Variants in STEAP1B observed in about 807,000 individuals in gnomAD.
STEAP1B encodes STEAP family member 1B.
STEAP1B carries 13 observed loss-of-function variants against 27.9 expected under a neutral mutation model. The ratio of observed to expected loss-of-function variants is 0.47; its 90% CI spans 0.30 to 0.74. STEAP1B has a LOEUF of 0.74. STEAP1B is among the 30% of genes least tolerant of loss of function. STEAP1B has a pLI of 0.06. For synonymous variants in STEAP1B, 86 were observed against 107.1 expected (o/e 0.80, Z 1.22); for missense variants, 250 against 298.7 (o/e 0.84, Z 1.20).
chr7:22,443,901 G>A (rs184710659), intron 4 of STEAP1B, among the ~76,000 whole-genome samples: 44 of 152,366 alleles, frequency 2.9e-4, no homozygotes, highest in Non-Finnish European at 5.6e-4. Context: ...CAGAGAAGGA[G>A]CTGAGGTCCA....
In STEAP1B at chr7:22,419,540, G is replaced by C; in HGVS notation, c.*264C>G. 3 of 306,624 alleles carry C rather than the reference G, an allele frequency of 9.8e-6. No homozygotes were observed. The allele number at this position is 306,624 out of a possible 1,614,324, so 19.0% of individuals were successfully genotyped here. A position where few individuals can be genotyped will look rare whatever the true frequency, so the allele number is the denominator to read the frequency against. ...ATGTCTGATCCTCGTGTCGGGATAG[G>C]CTAGGTTAGGCTCCGTAACAACCAA... On this transcript the variant is annotated 3_prime_UTR_variant, in exon 5 of 5. Transcript: ENST00000678116.
chr7:22,491,520 T>C (rs1786321132), intron 4 of STEAP1B, among the ~76,000 whole-genome samples: 1 of 152,158 alleles, frequency 6.6e-6, no homozygotes. Flanking sequence ...TAGAAATCTA[T>C]ATGGAAGTAA....
At chr7:22,468,932 T>C (rs1269475995) in intron 4 of STEAP1B, among the ~76,000 whole-genome samples, 1 of 152,274 alleles carries the variant, frequency 6.6e-6, no homozygotes. Flanking sequence ...CAGTACATAA[T>C]ACTTGCTAAT....
chr7:22,447,245 A>G (rs185045508), intron 4 of STEAP1B, among the ~76,000 whole-genome samples: 10 of 152,248 alleles, frequency 6.6e-5, no homozygotes, highest in African/African-American at 2.4e-4. Flanking sequence ...CAAGCATTTC[A>G]CTTCCTTAAT....
At chr7:22,431,574 GC>G (rs1214620122) in intron 4 of STEAP1B, among the ~76,000 whole-genome samples, 1 of 152,190 alleles carries the variant, frequency 6.6e-6, no homozygotes, top group Non-Finnish European at 1.5e-5. Flanking sequence ...GGTAGAAGAG[GC>G]ATGATACCTG....
chr7:22,449,711 G>T (rs544598935), intron 4 of STEAP1B, among the ~76,000 whole-genome samples: 4 of 152,180 alleles, frequency 2.6e-5, no homozygotes, highest in Non-Finnish European at 5.9e-5. Context: ...GTTTTTTGAG[G>T]AATCTCCAAA....
intron 4 of STEAP1B, among the ~76,000 whole-genome samples, chr7:22,458,700 T>C (rs563862304): frequency 6.6e-6 from 1 of 152,276 alleles, no homozygotes; most frequent in East Asian, 1.9e-4. Context: ...GGAGGGGAAC[T>C]ATAGGACTTT....
chr7:22,464,044 C>A (rs912715950), intron 4 of STEAP1B, among the ~76,000 whole-genome samples: 1 of 152,000 alleles, frequency 6.6e-6, no homozygotes, highest in Non-Finnish European at 1.5e-5. Context: ...AGAAAATTTT[C>A]GCAACCTACT....
intron 4 of STEAP1B, among the ~76,000 whole-genome samples, chr7:22,425,848 C>T (rs1425007524): frequency 2.0e-5 from 3 of 152,218 alleles, no homozygotes; most frequent in South Asian, 4.1e-4. Flanking sequence ...TTCTGACAAA[C>T]GCTATCCTGC....
At chr7:22,445,022 G>A (rs958150981) in intron 4 of STEAP1B, among the ~76,000 whole-genome samples, 15 of 152,194 alleles carry the variant, frequency 9.9e-5, no homozygotes, top group African/African-American at 3.6e-4. Context: ...AGAGGCCTAA[G>A]TGAGAGGATG....
At chr7:22,445,095 C>T (rs554309980) in intron 4 of STEAP1B, among the ~76,000 whole-genome samples, 22 of 152,260 alleles carry the variant, frequency 1.4e-4, no homozygotes, top group African/African-American at 5.3e-4. Context: ...ACAATGATGC[C>T]GGTTTCAGTT....
chr7:22,487,818 A>AG (rs977617506), intron 4 of STEAP1B, among the ~76,000 whole-genome samples: 41 of 145,442 alleles, frequency 2.8e-4, no homozygotes, highest in East Asian at 2.2e-3. Flanking sequence ...AAAAAAAAAA[A>AG]AAAAGAAAAA....
intron 4 of STEAP1B, among the ~76,000 whole-genome samples, chr7:22,483,342 CA>C (rs1445462446): frequency 1.3e-5 from 2 of 152,144 alleles, no homozygotes; most frequent in African/African-American, 4.8e-5. Flanking sequence ...GGGGTACAGG[CA>C]TACGTTCATT....
At chr7:22,440,557 C>T (rs1286666854) in intron 4 of STEAP1B, among the ~76,000 whole-genome samples, 1 of 152,006 alleles carries the variant, frequency 6.6e-6, no homozygotes, top group Non-Finnish European at 1.5e-5. Flanking sequence ...CCCATTTAGC[C>T]GCATTTGCTC....
intron 4 of STEAP1B, among the ~76,000 whole-genome samples, chr7:22,460,336 C>CAAAA (rs33991000): frequency 2.5e-5 from 3 of 117,690 alleles, no homozygotes; most frequent in Non-Finnish European, 5.7e-5. Context: ...TCAAAACAAA[C>CAAAA]AAAAAAAAAA....
At chr7:22,486,804 T>G (rs1786216619) in intron 4 of STEAP1B, among the ~76,000 whole-genome samples, 1 of 152,078 alleles carries the variant, frequency 6.6e-6, no homozygotes, top group Admixed American at 6.5e-5. Context: ...CACTGGCCAC[T>G]AGCCCTTCCT....
chr7:22,436,447 G>C (rs988093273), intron 4 of STEAP1B, among the ~76,000 whole-genome samples: 6 of 151,950 alleles, frequency 3.9e-5, no homozygotes, highest in African/African-American at 1.2e-4. Context: ...GGTCACATGT[G>C]CAGGTTTGTC....
intron 4 of STEAP1B, among the ~76,000 whole-genome samples, chr7:22,420,852 T>G (rs1198647645): frequency 6.6e-6 from 1 of 152,200 alleles, no homozygotes; most frequent in Non-Finnish European, 1.5e-5. Flanking sequence ...GAAGGCACTA[T>G]TATCTTACAG....
intron 4 of STEAP1B, among the ~76,000 whole-genome samples, chr7:22,456,198 C>T (rs1025737573): frequency 6.6e-6 from 1 of 152,046 alleles, no homozygotes; most frequent in Admixed American, 6.5e-5. Context: ...TCTCCTTTTA[C>T]TCCACCAGTT....
Sources: gnomAD v4.1 joint callset for allele counts (sites outside exome capture counted in the v4.1 genomes callset) on GRCh38, gnomAD v4.1.1 for gene constraint, MANE v1.5 for transcripts, NCBI Gene and HGNC (gene_info 2026-07-23, HGNC 2026-07-21) for gene names.